The following KDM1A variants were observed in gnomAD, a reference collection of about 807,000 sequenced individuals.
KDM1A encodes the protein lysine-specific histone demethylase 1A.
Under a neutral mutation model 109.4 loss-of-function variants are expected in KDM1A, and 49 were observed. The observed-to-expected ratio is 0.45, with a 90% CI of 0.36 to 0.57. KDM1A has a LOEUF of 0.57. Ranked by LOEUF, KDM1A falls within the 20% of genes least tolerant of loss-of-function variation. The pLI, the probability that KDM1A is intolerant of heterozygous loss-of-function variation, is 0.00. For missense variants in KDM1A, 668 were observed against 1,116.6 expected (o/e 0.60, Z 5.73); for synonymous variants, 380 against 415.4 (o/e 0.91, Z 1.04).
chr1:23,041,308 T>G (rs1642323806), intron 2 of KDM1A, among the ~76,000 whole-genome samples: 1 of 152,116 alleles, frequency 6.6e-6, no homozygotes, highest in Non-Finnish European at 1.5e-5. Flanking sequence ...AAGAGATAAA[T>G]AACTTGTTTC....
In KDM1A at chr1:23,072,210, AACAC is replaced by A; in HGVS notation, c.1622+15_1622+18del. 2 of 1,595,588 alleles carry A rather than the reference AACAC, an allele frequency of 1.3e-6. No individual in the cohort carries two copies. The highest frequency in any genetic ancestry group is 1.7e-6 in the Non-Finnish European group (2 of 1,165,534). ...CGAATCCCCCAAGGTAAGGAAAACA[AACAC>A]AAAAGTTCAGAGGGAGAGCTTTTAC... On this transcript the variant is annotated intron_variant, in intron 14 of 20. Transcript: ENST00000400181.
chr1:23,072,052 C>CT (rs1295893552), intron 13 of KDM1A, 72 bp from the exon 14 acceptor site: 4 of 906,474 alleles, frequency 4.4e-6, no homozygotes. Context: ...AGACCTTATA[C>CT]TTTGTGGTAC....
intron 2 of KDM1A, among the ~76,000 whole-genome samples, chr1:23,039,277 C>G (rs1292007596): frequency 2.6e-5 from 4 of 152,104 alleles, no homozygotes; most frequent in African/African-American, 9.7e-5. Flanking sequence ...GTTCTTTATC[C>G]CTTTTACCAA....
intron 12 of KDM1A, among the ~76,000 whole-genome samples, chr1:23,069,481 C>G (rs763827901): frequency 6.6e-6 from 1 of 152,112 alleles, no homozygotes; most frequent in Non-Finnish European, 1.5e-5. Flanking sequence ...AATACACTAA[C>G]ACTAATGATA....
chr1:23,036,380 T>G (rs1016127209), intron 2 of KDM1A, among the ~76,000 whole-genome samples: 1 of 152,144 alleles, frequency 6.6e-6, no homozygotes, highest in Non-Finnish European at 1.5e-5. Context: ...TCATTTGAAT[T>G]CTCATTTTAT....
intron 9 of KDM1A, among the ~76,000 whole-genome samples, chr1:23,061,814 G>A (rs1333558291): frequency 2.0e-5 from 3 of 151,926 alleles, no homozygotes; most frequent in East Asian, 1.9e-4. Flanking sequence ...GCGCCACCAC[G>A]CCCCACTAAT....
At chr1:23,081,343 G>A (rs1643616375) in intron 18 of KDM1A, 103 bp from the exon 19 acceptor site, 4 of 1,324,276 alleles carry the variant, frequency 3.0e-6, no homozygotes, top group East Asian at 2.3e-5. Context: ...CGTGTGTCTT[G>A]TCATCAGATT....
rs1641538370 is a variant in KDM1A at position 23,019,530 on chromosome 1, G to T, written c.-67G>T. 1.5e-6 allele frequency: 2 copies of T among 1,333,196 alleles called. No homozygotes were observed. Among genetic ancestry groups the T allele is most frequent in the Admixed American group, 6.2e-5 (2 of 32,142 alleles). 82.6% of individuals were successfully genotyped at this position (1,333,196 alleles called of 1,614,324 possible). On this transcript the variant is annotated 5_prime_UTR_variant, in exon 1 of 21. Transcript: ENST00000400181. Reference sequence around the variant, plus strand: ...GCAGCGTGAAGCGAGGCGAGGCAAGGCTTTTCGGACCCACGGAGCGACAGA... The same window carrying T: ...GCAGCGTGAAGCGAGGCGAGGCAAGTCTTTTCGGACCCACGGAGCGACAGA...
chr1:23,077,325 A>C lies in KDM1A; in HGVS notation c.1832A>C (p.Asn611Thr). 1 of 1,613,984 alleles carries C rather than the reference A, an allele frequency of 6.2e-7. No individual in the cohort carries two copies. Among genetic ancestry groups the C allele is most frequent in the Non-Finnish European group, 8.5e-7 (1 of 1,179,840 alleles). Residue 611 changes from asparagine to threonine, a missense_variant, in exon 16 of 21, where the codon AAT (asparagine) becomes ACT (threonine). Physicochemically the swap from Asn to Thr is moderately conservative, Grantham distance 65. This residue lies in a region of KDM1A where 162 missense variants were observed against 376.4 expected (regional missense o/e 0.43). Transcript: ENST00000400181. Reference protein sequence around the residue: ...ALAEGLDIKLNTAVRQVRYTA... With the variant: ...ALAEGLDIKLTTAVRQVRYTA... ...GCAGAAGGCCTAGACATTAAACTGA[A>C]TACAGCAGTGCGACAGGTTCGCTAC...
chr1:23,046,602 A>C (rs948501279), intron 3 of KDM1A, among the ~76,000 whole-genome samples: 7 of 152,206 alleles, frequency 4.6e-5, no homozygotes, highest in African/African-American at 1.7e-4. Flanking sequence ...TTAATGGAAT[A>C]GAGGACCTGT....
intron 9 of KDM1A, among the ~76,000 whole-genome samples, chr1:23,062,901 G>C (rs1178045351): frequency 6.6e-6 from 1 of 152,158 alleles, no homozygotes; most frequent in African/African-American, 2.4e-5. Context: ...TATAGCAGCT[G>C]CCTTCAGTTG....
In KDM1A at chr1:23,079,642, C is replaced by T; in HGVS notation, c.2145C>T (p.Leu715=). The T allele has an allele frequency of 6.2e-7, 1 of 1,612,692 alleles. No homozygotes were observed. Among genetic ancestry groups the T allele is most frequent in the Non-Finnish European group, 8.5e-7 (1 of 1,178,954 alleles). ...VGSTTASRGE[L]FLFWNLYKAP... is the part of the protein sequence containing the mutation. ...GTACGACTGCCAGCAGGGGTGAGCT[C>T]TTCCTCTTCTGGAACCTCTATAAAG... Residue 715 remains leucine (L), a synonymous_variant, in exon 18 of 21, where the codon CTC becomes CTT. Transcript: ENST00000400181. The surrounding 1 kb of genome is among the most constrained non-coding windows in gnomAD (Gnocchi z 5.6).
rs549024936 is a variant in KDM1A, at chr1:23,079,048, C to T, written c.1926C>T (p.Cys642=). 81 of 1,614,132 alleles carry T rather than the reference C, an allele frequency of 5.0e-5. No individual in the cohort carries two copies. The highest frequency in any genetic ancestry group is 1.9e-4 in the South Asian group (17 of 91,082). ...RSTSQTFIYK[C]DAVLCTLPLG... ...CGAGTCAAACCTTTATTTATAAATG[C>T]GACGCAGTTCTCTGTACCCTTCCCC... The change falls in exon 17 of 21, where the codon TGC becomes TGT. Residue 642 remains cysteine (C), a synonymous_variant. Transcript: ENST00000400181. This position sits in a 1 kb window ranked among gnomAD's most constrained non-coding sequence, Gnocchi z 5.6.
chr1:23,028,796 A>G (rs544771936), intron 1 of KDM1A, among the ~76,000 whole-genome samples: 2 of 152,094 alleles, frequency 1.3e-5, no homozygotes, highest in South Asian at 2.1e-4. Flanking sequence ...GTATAATATC[A>G]TCTACATTTC....
At position 23,019,865 on chromosome 1, in the gene KDM1A, T is replaced by G; in HGVS notation, c.269T>G (p.Val90Gly). 1 of 1,544,446 alleles carries G rather than the reference T, an allele frequency of 6.5e-7. No individual in the cohort carries two copies. The highest frequency in any genetic ancestry group is 8.7e-7 in the Non-Finnish European group (1 of 1,148,882). Reference sequence around the variant, plus strand: ...GGGCCTCAGGCCGGCCCTACTGTCGTGCCTGGGTCTGCGACCCCCATGGAA... The same window carrying G: ...GGGCCTCAGGCCGGCCCTACTGTCGGGCCTGGGTCTGCGACCCCCATGGAA... Reference protein sequence around the residue: ...SAGPQAGPTVVPGSATPMETG... With the variant: ...SAGPQAGPTVGPGSATPMETG... Residue 90 changes from valine (V) to glycine (G), a missense_variant, in exon 1 of 21, where the codon GTG becomes GGG. This residue lies in a region of KDM1A where 156 missense variants were observed against 163.4 expected (regional missense o/e 0.95). Transcript: ENST00000400181.
In KDM1A at chr1:23,083,264, G is replaced by A. The variant is rs1643675158; in HGVS notation, c.2531G>A (p.Arg844Gln). 3.1e-6 allele frequency: 5 copies of A among 1,613,940 alleles called. No homozygotes were observed. The highest frequency in any genetic ancestry group is 2.2e-5 in the East Asian group (1 of 44,876). Reference sequence around the variant, plus strand: ...CATGGTGCTCTGCTGAGTGGGCTGCGAGAAGCGGGAAGAATTGCAGACCAG... The same window carrying A: ...CATGGTGCTCTGCTGAGTGGGCTGCAAGAAGCGGGAAGAATTGCAGACCAG... ...TVHGALLSGLREAGRIADQFL... is the reference protein window; with the variant it reads ...TVHGALLSGLQEAGRIADQFL... The change falls in exon 21 of 21, where the codon CGA becomes CAA. Residue 844 changes from arginine (R) to glutamine (Q), a missense_variant. Around this residue, in one of 8 missense-constraint regions of KDM1A, gnomAD observed 69 missense variants for 99.6 expected, o/e 0.69. Coordinates refer to ENST00000400181, the MANE Select transcript of KDM1A (RefSeq NM_001009999.3).
chr1:23,038,296 C>T (rs897036164), intron 2 of KDM1A, among the ~76,000 whole-genome samples: 2 of 147,544 alleles, frequency 1.4e-5, no homozygotes, highest in Non-Finnish European at 3.0e-5. Flanking sequence ...GTGTGTAAAA[C>T]TTAAATCTTG....
At position 23,083,390 on chromosome 1, in the gene KDM1A, C is replaced by G. The variant is rs1376741875; in HGVS notation, c.*26C>G. ...GACAGATGCATTCTAAGGGAAGAGG[C>G]CCATGTGCCTGTTTCTGCCATGTAA... On this transcript the variant is annotated 3_prime_UTR_variant, in exon 21 of 21. Coordinates refer to ENST00000400181, the MANE Select transcript of KDM1A (RefSeq NM_001009999.3). 1.3e-6 allele frequency: 2 copies of G among 1,586,874 alleles called. No individual in the cohort carries two copies. Among genetic ancestry groups the G allele is most frequent in the East Asian group, 2.2e-5 (1 of 44,484 alleles).
intron 3 of KDM1A, among the ~76,000 whole-genome samples, chr1:23,047,951 A>G (rs905572545): frequency 6.6e-6 from 1 of 152,120 alleles, no homozygotes; most frequent in Non-Finnish European, 1.5e-5. Flanking sequence ...AATGTACTAT[A>G]AAATTTGGTA....
Sources: allele counts gnomAD v4.1 joint callset (sites outside exome capture counted in the v4.1 genomes callset), GRCh38; gene constraint gnomAD v4.1.1; regional missense constraint gnomAD v4.1.1; non-coding constraint Gnocchi (gnomAD v3.1); transcripts MANE v1.5; gene names NCBI Gene and HGNC (gene_info 2026-07-23, HGNC 2026-07-21).